The following MAPRE2 variants were observed in gnomAD, a reference collection of about 807,000 sequenced individuals.
MAPRE2 encodes the protein microtubule-associated protein RP/EB family member 2.
MAPRE2 carries 13 observed loss-of-function variants against 43.2 expected under a neutral mutation model. The ratio of observed to expected loss-of-function variants is 0.30; its 90% confidence interval spans 0.20 to 0.48. MAPRE2 has a LOEUF of 0.48. Ranked by LOEUF, MAPRE2 falls within the 20% of genes least tolerant of loss-of-function variation. MAPRE2 has a pLI of 0.99. For synonymous variants in MAPRE2, 135 were observed against 148.8 expected, an observed-to-expected ratio of 0.91 and a Z score of 0.68; for missense variants, 161 against 400.2, an observed-to-expected ratio of 0.40 and a Z score of 5.10.
intron 3 of MAPRE2, among the ~76,000 whole-genome samples, chr18:35,098,386 A>G (rs1284666565): frequency 1.3e-5 from 2 of 152,226 alleles, no homozygotes; most frequent in African/African-American, 4.8e-5. Flanking sequence ...GAGGTAATAA[A>G]TAGGCTATGG....
intron 2 of MAPRE2, among the ~76,000 whole-genome samples, chr18:35,077,845 T>C (rs1907444394): frequency 6.6e-6 from 1 of 152,178 alleles, no homozygotes. Context: ...TATTTTGAAA[T>C]CATTCACCAA....
chr18:35,081,609 G>A (rs557479375), intron 2 of MAPRE2, among the ~76,000 whole-genome samples: 3 of 152,100 alleles, frequency 2.0e-5, no homozygotes, highest in African/African-American at 7.2e-5. Flanking sequence ...CTAGAGGACT[G>A]GACTGGGGAG....
chr18:35,078,924 A>C (rs1356762388), intron 2 of MAPRE2, among the ~76,000 whole-genome samples: 1 of 152,122 alleles, frequency 6.6e-6, no homozygotes, highest in Admixed American at 6.5e-5. Flanking sequence ...ACCTGCTGCA[A>C]GTAGAGTGGG....
At chr18:35,006,777 A>T (rs1369526509) in intron 2 of MAPRE2, among the ~76,000 whole-genome samples, 1 of 152,204 alleles carries the variant, frequency 6.6e-6, no homozygotes, top group Non-Finnish European at 1.5e-5. Context: ...ACTCTGGCCA[A>T]CATGGCAAAA....
chr18:35,051,137 TAG>T (rs1377944844), intron 1 of MAPRE2, among the ~76,000 whole-genome samples: 4 of 152,098 alleles, frequency 2.6e-5, no homozygotes, highest in Non-Finnish European at 4.4e-5. Flanking sequence ...TGCCAGCCTC[TAG>T]AGAGAGTTTA....
chr18:35,092,317 G>T (rs746723157), intron 2 of MAPRE2, among the ~76,000 whole-genome samples: 3 of 152,150 alleles, frequency 2.0e-5, no homozygotes, highest in Non-Finnish European at 4.4e-5. Context: ...AAATCCACAC[G>T]TTTGTAGCCA....
At chr18:34,999,853 G>A (rs760574694) in intron 1 of MAPRE2, among the ~76,000 whole-genome samples, 1 of 152,070 alleles carries the variant, frequency 6.6e-6, no homozygotes, top group African/African-American at 2.4e-5. Context: ...GTCTTGCCCT[G>A]GGGAAGTTGC....
intron 2 of MAPRE2, among the ~76,000 whole-genome samples, chr18:35,023,394 C>A (rs752618971): frequency 5.9e-4 from 90 of 151,974 alleles, no homozygotes; most frequent in Non-Finnish European, 9.7e-4. Context: ...CGCCTGTAGT[C>A]CCAGCTACTC....
At chr18:35,114,929 A>G (rs1383003313) in intron 4 of MAPRE2, among the ~76,000 whole-genome samples, 1 of 152,238 alleles carries the variant, frequency 6.6e-6, no homozygotes, top group African/African-American at 2.4e-5. Context: ...TCGCCAGGCC[A>G]CACAAGACAG....
intron 1 of MAPRE2, among the ~76,000 whole-genome samples, chr18:34,989,953 T>A (rs1375584752): frequency 6.6e-6 from 1 of 152,148 alleles, no homozygotes; most frequent in Non-Finnish European, 1.5e-5. Context: ...GTGAGTTAGG[T>A]GGCCCATATT....
chr18:35,025,345 C>T (rs931998022), intron 2 of MAPRE2, among the ~76,000 whole-genome samples: 3 of 152,226 alleles, frequency 2.0e-5, no homozygotes, highest in African/African-American at 7.2e-5. Context: ...GTCATCCAGC[C>T]TCAAAACTTA....
chr18:35,041,473 G>C lies in MAPRE2; in HGVS notation c.-67G>C. On this transcript the variant is annotated 5_prime_UTR_variant, in exon 1 of 7. Transcript: ENST00000300249. ...CCGTGCGGAGCAGGCGAGCGAGCGG[G>C]AAGACGCAGCCACCTTCCTCACCAG... The C allele has an allele frequency of 1.2e-6, 2 of 1,611,930 alleles. No homozygotes were observed. The highest frequency in any genetic ancestry group is 1.7e-6 in the Non-Finnish European group (2 of 1,179,046).
intron 1 of MAPRE2, among the ~76,000 whole-genome samples, chr18:34,985,718 TA>T (rs1326227143): frequency 4.2e-4 from 40 of 94,684 alleles, no homozygotes; most frequent in African/African-American, 1.2e-3. Flanking sequence ...ATATATCATA[TA>T]ATATGTAATA....
Position 35,097,329 on chromosome 18 carries a change from C to T in MAPRE2, c.251-117C>T, listed in dbSNP as rs531914742. 3.2e-5 allele frequency: 28 copies of T among 879,020 alleles called. No homozygotes were observed. In the South Asian group the frequency reaches 4.4e-4, roughly 14 times the overall value. The allele number at this position is 879,020 out of a possible 1,614,324, so 54.5% of individuals were successfully genotyped here. On this transcript the variant is annotated intron_variant, in intron 2 of 6. Coordinates refer to ENST00000300249, the MANE Select transcript of MAPRE2 (RefSeq NM_014268.4). ...TATAAGCGCATTGGTAAGAAGGACACACTCTGCTCTGAGTGATGATGGTGC... is the reference window on the plus strand; with the variant it reads ...TATAAGCGCATTGGTAAGAAGGACATACTCTGCTCTGAGTGATGATGGTGC...
intron 1 of MAPRE2, among the ~76,000 whole-genome samples, chr18:35,045,722 C>T (rs1208054942): frequency 1.3e-5 from 2 of 152,112 alleles, no homozygotes; most frequent in South Asian, 4.1e-4. Flanking sequence ...TCACATTCCC[C>T]AAAACAGCAG....
chr18:35,052,022 A>G (rs1195556800), intron 1 of MAPRE2, among the ~76,000 whole-genome samples: 1 of 152,232 alleles, frequency 6.6e-6, no homozygotes, highest in Non-Finnish European at 1.5e-5. Context: ...AAAAGTTCAA[A>G]TTGAACCTGG....
chr18:35,018,441 A>G (rs890464749), intron 2 of MAPRE2, among the ~76,000 whole-genome samples: 6 of 148,700 alleles, frequency 4.0e-5, no homozygotes, highest in African/African-American at 1.2e-4. Flanking sequence ...GCCCAGGGCA[A>G]TTTTTGGTTG....
intron 2 of MAPRE2, among the ~76,000 whole-genome samples, chr18:35,075,698 C>A (rs1238520728): frequency 6.6e-6 from 1 of 151,100 alleles, no homozygotes; most frequent in Non-Finnish European, 1.5e-5. Context: ...TTGACTCATG[C>A]TAATTTTAAA....
intron 1 of MAPRE2, among the ~76,000 whole-genome samples, chr18:35,002,564 C>T (rs1468292687): frequency 3.3e-5 from 5 of 152,096 alleles, no homozygotes; most frequent in East Asian, 1.9e-4. Flanking sequence ...CAAACCCTCG[C>T]CAACATTTGG....
Sources: gnomAD v4.1 joint callset for allele counts (sites outside exome capture counted in the v4.1 genomes callset) on GRCh38, gnomAD v4.1.1 for gene constraint, MANE v1.5 for transcripts, NCBI Gene and HGNC (gene_info 2026-07-23, HGNC 2026-07-21) for gene names.